SHISA9: variants seen among roughly 807,000 people sequenced by gnomAD.
SHISA9 encodes shisa family member 9, also known as protein shisa-9.
Under a neutral mutation model 38.0 loss-of-function variants are expected in SHISA9, and 13 were observed. That is an observed-to-expected ratio of 0.34 (90% CI 0.22 to 0.54). The LOEUF (loss-of-function observed/expected upper bound fraction) is 0.54. Ranked by LOEUF, SHISA9 falls within the 20% of genes least tolerant of loss-of-function variation. SHISA9 has a pLI of 0.91. For synonymous variants in SHISA9, 275 were observed against 242.0 expected (o/e 1.14, Z -1.27); for missense variants, 538 against 575.8 (o/e 0.93, Z 0.67).
chr16:12,935,673 C>A (rs1045427814), intron 2 of SHISA9, among the ~76,000 whole-genome samples: 3 of 151,874 alleles, frequency 2.0e-5, no homozygotes, highest in Admixed American at 1.3e-4. Flanking sequence ...CACAGTGAAA[C>A]CCCATCTGTA....
At chr16:12,971,649 G>T (rs1044770258) in intron 2 of SHISA9, among the ~76,000 whole-genome samples, 1 of 151,950 alleles carries the variant, frequency 6.6e-6, no homozygotes, top group South Asian at 2.1e-4. Context: ...TTAGGAGCAG[G>T]GGCTGTAGGA....
chr16:13,067,863 C>G (rs1322257027), intron 2 of SHISA9, among the ~76,000 whole-genome samples: 1 of 152,226 alleles, frequency 6.6e-6, no homozygotes, highest in African/African-American at 2.4e-5. Context: ...TCACCACTCT[C>G]CTGTCCTCCC....
At chr16:13,082,053 G>A (rs2073656960) in intron 2 of SHISA9, among the ~76,000 whole-genome samples, 1 of 152,150 alleles carries the variant, frequency 6.6e-6, no homozygotes, top group Admixed American at 6.5e-5. Flanking sequence ...AACTCATTAA[G>A]TAACTGCTAA....
At chr16:13,094,989 C>G (rs906794383) in intron 2 of SHISA9, among the ~76,000 whole-genome samples, 7 of 152,122 alleles carry the variant, frequency 4.6e-5, no homozygotes, top group Non-Finnish European at 1.0e-4. Flanking sequence ...ATATTTCTTC[C>G]GTTTCCTCCT....
the SHISA9 span, among the ~76,000 whole-genome samples, chr16:13,300,272 G>T: frequency 6.6e-6 from 1 of 152,054 alleles, no homozygotes; most frequent in African/African-American, 2.4e-5. Context: ...TTCTGAGTGG[G>T]ATACTATGAT....
chr16:13,383,004 C>T, the SHISA9 span, among the ~76,000 whole-genome samples: 1,160 of 152,258 alleles, frequency 7.6e-3, 14 homozygotes, highest in African/African-American at 0.027. Flanking sequence ...GTGTTCGTTG[C>T]GTGTCAGGCA....
At chr16:13,135,456 G>A (rs2050340660) in intron 2 of SHISA9, among the ~76,000 whole-genome samples, 2 of 152,190 alleles carry the variant, frequency 1.3e-5, no homozygotes, top group African/African-American at 4.8e-5. Context: ...ATCACTGAAT[G>A]CGGCATATAT....
intron 2 of SHISA9, among the ~76,000 whole-genome samples, chr16:13,045,360 G>A (rs955841869): frequency 6.6e-6 from 1 of 152,148 alleles, no homozygotes; most frequent in African/African-American, 2.4e-5. Flanking sequence ...GGCAGAGCAA[G>A]GATTCGAGTG....
At chr16:13,486,208 A>G in the SHISA9 span, among the ~76,000 whole-genome samples, 1 of 152,182 alleles carries the variant, frequency 6.6e-6, no homozygotes, top group African/African-American at 2.4e-5. Context: ...ACATGTTGGT[A>G]TGTATGTATG....
chr16:13,254,808 G>A, the SHISA9 span, among the ~76,000 whole-genome samples: 1 of 152,154 alleles, frequency 6.6e-6, no homozygotes, highest in Non-Finnish European at 1.5e-5. Context: ...TGAAGAAACA[G>A]TCCCTTCCGG....
chr16:13,254,535 A>G, the SHISA9 span, among the ~76,000 whole-genome samples: 1 of 152,254 alleles, frequency 6.6e-6, no homozygotes, highest in Non-Finnish European at 1.5e-5. Flanking sequence ...AGCAGACTTG[A>G]GAATAGACTG....
chr16:13,146,347 G>A (rs955180036), intron 2 of SHISA9, among the ~76,000 whole-genome samples: 2 of 152,190 alleles, frequency 1.3e-5, no homozygotes, highest in Non-Finnish European at 2.9e-5. Context: ...GAAGTTAGGT[G>A]CATAGCTTTT....
the SHISA9 span, among the ~76,000 whole-genome samples, chr16:13,262,987 C>A: frequency 2.0e-5 from 3 of 152,146 alleles, no homozygotes; most frequent in African/African-American, 7.2e-5. Flanking sequence ...CTTTTTTATT[C>A]CCCATCTCAA....
the SHISA9 span, among the ~76,000 whole-genome samples, chr16:13,261,573 G>T: frequency 2.6e-5 from 4 of 152,126 alleles, no homozygotes; most frequent in African/African-American, 9.7e-5. Flanking sequence ...AGTTGACTAG[G>T]AATAAAATTT....
chr16:13,493,618 G>C, the SHISA9 span, among the ~76,000 whole-genome samples: 1 of 152,212 alleles, frequency 6.6e-6, no homozygotes, highest in East Asian at 1.9e-4. Flanking sequence ...TGGAGACTGT[G>C]ATGGCTGGAG....
At chr16:13,059,564 C>CG (rs957589578) in intron 2 of SHISA9, among the ~76,000 whole-genome samples, 3 of 151,966 alleles carry the variant, frequency 2.0e-5, no homozygotes, top group Non-Finnish European at 2.9e-5. Flanking sequence ...CAAATACATG[C>CG]GGGGGGTCTT....
intron 2 of SHISA9, among the ~76,000 whole-genome samples, chr16:12,972,151 A>T (rs1220029247): frequency 1.3e-5 from 2 of 151,940 alleles, no homozygotes; most frequent in South Asian, 2.1e-4. Flanking sequence ...AATAAAAATA[A>T]ATTATGATCA....
chr16:13,021,518 C>G (rs2072853775), intron 2 of SHISA9, among the ~76,000 whole-genome samples: 1 of 152,126 alleles, frequency 6.6e-6, no homozygotes, highest in Non-Finnish European at 1.5e-5. Flanking sequence ...ATCACACCCA[C>G]TAGTAAAACG....
At chr16:12,985,923 C>T (rs2072302091) in intron 2 of SHISA9, among the ~76,000 whole-genome samples, 1 of 152,160 alleles carries the variant, frequency 6.6e-6, no homozygotes, top group African/African-American at 2.4e-5. Context: ...CTTGTGTGCA[C>T]AAATTTGAGA....
Sources: allele counts gnomAD v4.1 joint callset (sites outside exome capture counted in the v4.1 genomes callset), GRCh38; gene constraint gnomAD v4.1.1; transcripts MANE v1.5; gene names NCBI Gene and HGNC (gene_info 2026-07-23, HGNC 2026-07-21).